Variants in TRDN observed in about 807,000 individuals in gnomAD.
The protein encoded by TRDN is triadin.
A neutral mutation model predicts 149.7 loss-of-function variants in TRDN; 161 were observed. The ratio of observed to expected loss-of-function variants is 1.08; its 90% confidence interval spans 0.95 to 1.23. The LOEUF (loss-of-function observed/expected upper bound fraction) is 1.23, where lower values mean the gene tolerates loss of function less well. Among genes scored for constraint, TRDN ranks in the 50% most tolerant of loss-of-function variants. The probability of loss-of-function intolerance (pLI) is 0.00; values close to 1 mark genes in which losing one functional copy is unlikely to be tolerated. For synonymous variants in TRDN, 294 were observed against 250.5 expected (o/e 1.17, Z -1.64); for missense variants, 896 against 823.5 (o/e 1.09, Z -1.08).
intron 24 of TRDN, among the ~76,000 whole-genome samples, chr6:123,308,392 G>A (rs1778694341): frequency 6.7e-6 from 1 of 149,308 alleles, no homozygotes; most frequent in Non-Finnish European, 1.5e-5. Context: ...TAATTGGATT[G>A]CTGGATTGAA....
intron 12 of TRDN, among the ~76,000 whole-genome samples, chr6:123,432,368 A>G (rs1774369954): frequency 6.6e-6 from 1 of 152,124 alleles, no homozygotes. Context: ...CAATCTGCAT[A>G]GAATCCTAGT....
intron 1 of TRDN, among the ~76,000 whole-genome samples, chr6:123,601,151 TATTA>T (rs1784256265): frequency 6.6e-6 from 1 of 152,144 alleles, no homozygotes; most frequent in African/African-American, 2.4e-5. Flanking sequence ...TGATGATGAC[TATTA>T]AATATATGCA....
intron 13 of TRDN, among the ~76,000 whole-genome samples, chr6:123,393,113 T>C (rs191730831): frequency 1.2e-3 from 186 of 152,180 alleles, no homozygotes; most frequent in African/African-American, 4.1e-3. Context: ...CCTGAAGATA[T>C]TTGTAAATGG....
intron 21 of TRDN, among the ~76,000 whole-genome samples, chr6:123,341,458 TC>T (rs931904986): frequency 6.6e-6 from 1 of 151,928 alleles, no homozygotes; most frequent in African/African-American, 2.4e-5. Flanking sequence ...TGCATTGCTA[TC>T]TTTTTAAACT....
intron 10 of TRDN, among the ~76,000 whole-genome samples, chr6:123,461,831 A>C (rs1352565027): frequency 6.6e-6 from 1 of 152,174 alleles, no homozygotes. Flanking sequence ...TTAATATTAT[A>C]AGATACTATT....
Position 123,278,333 on chromosome 6 carries a change from T to C in TRDN, c.1552A>G (p.Lys518Glu). The change falls in exon 26 of 41, where the codon AAG (lysine) becomes GAG (glutamate). Residue 518 changes from lysine (K) to glutamate (E), a missense_variant. Physicochemically the swap from Lys to Glu is moderately conservative, Grantham distance 56 (BLOSUM62 1). Transcript: ENST00000334268. The stretch of plus-strand genomic sequence containing the variant: ...ATATACATACCTGGCTTCTCTTCCT[T>C]TTTTCCTTGTAGTTCTAAAAATATA... ...KPKPPQLQGK[K>E]EEKPEPQIKK... The C allele has an allele frequency of 1.5e-6, 2 of 1,296,386 alleles. No homozygotes were observed. The highest frequency in any genetic ancestry group is 2.1e-6 in the Non-Finnish European group (2 of 960,368). 80.3% of individuals were successfully genotyped at this position (1,296,386 alleles called of 1,614,324 possible). A position where few individuals can be genotyped will look rare whatever the true frequency, so the allele number is the denominator to read the frequency against.
chr6:123,503,728 C>A lies in TRDN; in HGVS notation c.784G>T (p.Glu262Ter). 1 of 1,613,654 alleles carries A rather than the reference C, an allele frequency of 6.2e-7. No homozygotes were observed. Among genetic ancestry groups the A allele is most frequent in the South Asian group, 1.1e-5 (1 of 91,060 alleles). Reference protein sequence around the residue: ...DKEKAAVSKHEQKDQYAFCRY... With the variant: ...DKEKAAVSKH ...TGCTCTGAATGTTTACCTTTCTGTTCATGCTTTGACACAGCTGCTTTCTCT... is the reference window on the plus strand; with the variant it reads ...TGCTCTGAATGTTTACCTTTCTGTTAATGCTTTGACACAGCTGCTTTCTCT... The change falls in exon 8 of 41, where the codon GAA (glutamate) becomes TAA (stop). Residue 262 changes from glutamate to a stop codon, truncating the protein, a stop_gained. Coordinates refer to ENST00000334268, the MANE Select transcript of TRDN (RefSeq NM_006073.4). LOFTEE classifies it high-confidence loss of function.
At chr6:123,517,587 C>T (rs549913186) in intron 5 of TRDN, among the ~76,000 whole-genome samples, 1 of 152,036 alleles carries the variant, frequency 6.6e-6, no homozygotes, top group South Asian at 2.1e-4. Flanking sequence ...GTTTACCAAC[C>T]CAATGTCATC....
chr6:123,585,129 A>T (rs9401686), intron 1 of TRDN, among the ~76,000 whole-genome samples: 6,101 of 135,274 alleles, frequency 0.045, 180 homozygotes, highest in Middle Eastern at 0.092. Context: ...GGTATCTTAT[A>T]CTTGTGGGTT....
chr6:123,566,534 C>A (rs189809533), intron 2 of TRDN, among the ~76,000 whole-genome samples: 65 of 152,316 alleles, frequency 4.3e-4, no homozygotes, highest in South Asian at 2.1e-4. Context: ...CTATGAACAA[C>A]CTTTTCATGG....
At chr6:123,441,544 T>C (rs1774889837) in intron 10 of TRDN, among the ~76,000 whole-genome samples, 1 of 152,164 alleles carries the variant, frequency 6.6e-6, no homozygotes, top group Non-Finnish European at 1.5e-5. Flanking sequence ...AAGAGTGTGG[T>C]TGGGAAAGAA....
At chr6:123,377,108 G>A (rs1245488186) in intron 18 of TRDN, among the ~76,000 whole-genome samples, 2 of 152,152 alleles carry the variant, frequency 1.3e-5, no homozygotes, top group East Asian at 3.8e-4. Flanking sequence ...AGGTTTATTT[G>A]TCTTGTCTAG....
At chr6:123,415,482 G>T (rs1262399489) in intron 12 of TRDN, among the ~76,000 whole-genome samples, 1 of 152,176 alleles carries the variant, frequency 6.6e-6, no homozygotes, top group Non-Finnish European at 1.5e-5. Flanking sequence ...AAGGCTCAAA[G>T]CCAGACAGTC....
At chr6:123,358,581 T>C (rs11965715) in intron 20 of TRDN, among the ~76,000 whole-genome samples, 12,708 of 151,864 alleles carry the variant, frequency 0.084, 1,759 homozygotes, top group African/African-American at 0.29. Context: ...TCTCCTGCCT[T>C]AGCCTCCCGA....
At chr6:123,431,265 A>T (rs998436014) in intron 12 of TRDN, among the ~76,000 whole-genome samples, 21 of 152,184 alleles carry the variant, frequency 1.4e-4, no homozygotes, top group Non-Finnish European at 3.1e-4. Flanking sequence ...GCTGGGAAAT[A>T]CTGATTAAAC....
chr6:123,472,153 AT>A (rs1327912126), intron 9 of TRDN, among the ~76,000 whole-genome samples: 1 of 152,182 alleles, frequency 6.6e-6, no homozygotes, highest in African/African-American at 2.4e-5. Flanking sequence ...TGATTTCTGC[AT>A]TTCCATCTGA....
At chr6:123,371,281 T>C (rs1011749112) in intron 19 of TRDN, among the ~76,000 whole-genome samples, 1 of 152,196 alleles carries the variant, frequency 6.6e-6, no homozygotes, top group Non-Finnish European at 1.5e-5. Flanking sequence ...ATACCAGCTA[T>C]ATCAGCAACA....
chr6:123,606,935 C>G (rs1422459902), intron 1 of TRDN, among the ~76,000 whole-genome samples: 1 of 152,190 alleles, frequency 6.6e-6, no homozygotes, highest in Non-Finnish European at 1.5e-5. Flanking sequence ...AAGCACTAAT[C>G]TAGATACTGA....
intron 1 of TRDN, among the ~76,000 whole-genome samples, chr6:123,626,532 C>T (rs537380524): frequency 3.3e-4 from 50 of 152,208 alleles, no homozygotes; most frequent in Middle Eastern, 6.8e-3. Flanking sequence ...CATGAGATTA[C>T]AGCATCTTCA....
Sources: allele counts gnomAD v4.1 joint callset (sites outside exome capture counted in the v4.1 genomes callset), GRCh38; gene constraint gnomAD v4.1.1; transcripts MANE v1.5; gene names NCBI Gene and HGNC (gene_info 2026-07-23, HGNC 2026-07-21).